ENGASE: variants seen among roughly 807,000 people sequenced by gnomAD.
ENGASE encodes cytosolic endo-beta-N-acetylglucosaminidase.
Under a neutral mutation model 78.5 loss-of-function variants are expected in ENGASE, and 69 were observed. The observed-to-expected ratio is 0.88, with a 90% CI of 0.72 to 1.07. The LOEUF (loss-of-function observed/expected upper bound fraction) is 1.07. Among genes scored for constraint, ENGASE ranks in the 50% least tolerant of loss-of-function variants. The pLI is 0.00. For missense variants in ENGASE, 943 were observed against 988.4 expected (o/e 0.95, Z 0.62); for synonymous variants, 408 against 408.9 (o/e 1.00, Z 0.03).
intron 1 of ENGASE, among the ~76,000 whole-genome samples, chr17:79,075,467 T>C (rs2072946371): frequency 6.6e-6 from 1 of 152,236 alleles, no homozygotes; most frequent in Non-Finnish European, 1.5e-5. Context: ...GGATGCCGGC[T>C]GGTGGAAGGG....
In ENGASE at chr17:79,083,850, C is replaced by G; in HGVS notation, c.1341C>G (p.Gly447=). 1.2e-6 allele frequency: 2 copies of G among 1,612,792 alleles called. No homozygotes were observed. Among genetic ancestry groups the G allele is most frequent in the South Asian group, 2.2e-5 (2 of 91,028 alleles). The change falls in exon 10 of 14, where the codon GGC becomes GGG. Residue 447 remains glycine, a synonymous_variant. Transcript: ENST00000579016. This position sits in a 1 kb window ranked among gnomAD's most constrained non-coding sequence, Gnocchi z 4.9. ...GEHRLGGDGR[G]WVRTHCCLED... The stretch of plus-strand genomic sequence containing the variant: ...ACAGGCTGGGAGGGGATGGCCGGGG[C>G]TGGGTGAGGACGCACTGCTGCCTGG...
At chr17:79,078,663 C>T (rs1318675522) in intron 3 of ENGASE, among the ~76,000 whole-genome samples, 5 of 152,192 alleles carry the variant, frequency 3.3e-5, no homozygotes, top group African/African-American at 1.2e-4. Flanking sequence ...GTCCGCGCGG[C>T]GCTTTTAAAT....
In ENGASE at chr17:79,086,878, C is replaced by A. The variant is rs1230301235; in HGVS notation, c.*529C>A. On this transcript the variant is annotated 3_prime_UTR_variant, in exon 14 of 14. Transcript: ENST00000579016. The stretch of plus-strand genomic sequence containing the variant: ...GGCGGGAGAGGATGCCCTGGAGAAC[C>A]GTCCTCCCAGTGTGGAAGGCCCTTT... 4.4e-6 allele frequency: 2 copies of A among 450,946 alleles called. No homozygotes were observed. Among genetic ancestry groups the A allele is most frequent in the Non-Finnish European group, 8.9e-6 (2 of 224,280 alleles). 27.9% of individuals were successfully genotyped at this position (450,946 alleles called of 1,614,324 possible). A position where few individuals can be genotyped will look rare whatever the true frequency, so the allele number is the denominator to read the frequency against.
intron 5 of ENGASE, 54 bp from the exon 6 acceptor site, chr17:79,080,871 A>G (rs2073113527): frequency 1.9e-6 from 3 of 1,568,120 alleles, no homozygotes; most frequent in East Asian, 2.3e-5. Flanking sequence ...GATACTTCTC[A>G]TGATAGATAG....
chr17:79,084,535 C>T lies in ENGASE; in HGVS notation c.1443-3C>T, dbSNP rs1276358438. The T allele has an allele frequency of 7.0e-6, 11 of 1,561,828 alleles. No individual in the cohort carries two copies. Among genetic ancestry groups the T allele is most frequent in the Non-Finnish European group, 9.5e-6 (11 of 1,159,688 alleles). On this transcript the variant is annotated splice_region_variant and splice_polypyrimidine_tract_variant and intron_variant, in intron 10 of 13. Coordinates refer to ENST00000579016, the MANE Select transcript of ENGASE (RefSeq NM_001042573.3). ...GCACCCATCACAGGACCTTTTTCCC[C>T]AGGTTATTTTCCCTGCAGGCCCCAG...
At chr17:79,075,632 G>A (rs1003986122) in intron 1 of ENGASE, 66 of 952,500 alleles carry the variant, frequency 6.9e-5, no homozygotes, top group Non-Finnish European at 8.0e-5. Flanking sequence ...TCTGGGCTGG[G>A]CTTCCTTCCT....
chr17:79,077,933 CGGG>C, intron 3 of ENGASE, 69 bp downstream of exon 3: 34 of 467,794 alleles, frequency 7.3e-5, no homozygotes, highest in Non-Finnish European at 1.3e-4. Flanking sequence ...GCTGGAGGGG[CGGG>C]AGAGAGTGCC....
intron 7 of ENGASE, 184 bp from the exon 8 acceptor site, chr17:79,082,836 C>T (rs745487515): frequency 6.5e-6 from 10 of 1,532,678 alleles, no homozygotes; most frequent in East Asian, 2.5e-5. Flanking sequence ...CCTCTTCTGG[C>T]GGGCTTGTGG....
Position 79,080,913 on chromosome 17 carries a change from C to G in ENGASE, c.724-12C>G, listed in dbSNP as rs1252769590. On this transcript the variant is annotated splice_polypyrimidine_tract_variant and intron_variant, in intron 5 of 13. Transcript: ENST00000579016. Reference sequence around the variant, plus strand: ...GGCTCACTGAGGCTCTCACCTTGTTCTTCTCTTTCAGCTGGCCGCTGTGGG... The same window carrying G: ...GGCTCACTGAGGCTCTCACCTTGTTGTTCTCTTTCAGCTGGCCGCTGTGGG... The G allele has an allele frequency of 4.4e-6, 7 of 1,606,842 alleles. No homozygotes were observed. The Admixed American group carries it at 1.2e-4, about 27-fold the overall frequency.
rs537901895 is a variant in ENGASE at position 79,087,143 on chromosome 17, C to T, written c.*794C>T. On this transcript the variant is annotated 3_prime_UTR_variant, in exon 14 of 14. Coordinates refer to ENST00000579016, the MANE Select transcript of ENGASE (RefSeq NM_001042573.3). ...GCCCTGCCTCTGCCCAGCGAGAGGC[C>T]GTGGGCTCTGGACAAGCCGCCCTTC... The T allele has an allele frequency of 6.8e-6, 3 of 438,486 alleles. No homozygotes were observed. The highest frequency in any genetic ancestry group is 4.8e-5 in the Admixed American group (2 of 41,688). The allele number at this position is 438,486 out of a possible 1,614,324, so 27.2% of individuals were successfully genotyped here. A position where few individuals can be genotyped will look rare whatever the true frequency, so the allele number is the denominator to read the frequency against.
In ENGASE at chr17:79,074,910, C is replaced by G. The variant is rs759195483; in HGVS notation, c.-35C>G. Reference sequence around the variant, plus strand: ...AGCGCGGCGCGGGGGCGGGCCCGGGCCTGCGATTGCCTCTCGGCGTGCGCG... The same window carrying G: ...AGCGCGGCGCGGGGGCGGGCCCGGGGCTGCGATTGCCTCTCGGCGTGCGCG... On this transcript the variant is annotated 5_prime_UTR_variant, in exon 1 of 14. Transcript: ENST00000579016. 4 of 1,254,470 alleles carry G rather than the reference C, an allele frequency of 3.2e-6. No homozygotes were observed. Among genetic ancestry groups the G allele is most frequent in the African/African-American group, 1.5e-5 (1 of 65,176 alleles). The allele number at this position is 1,254,470 out of a possible 1,614,324, so 77.7% of individuals were successfully genotyped here.
rs540871052 is a variant in ENGASE, at chr17:79,081,992, G to A, written c.967G>A (p.Ala323Thr). 6.2e-7 allele frequency: 1 copy of A among 1,614,230 alleles called. No individual in the cohort carries two copies. The highest frequency in any genetic ancestry group is 8.5e-7 in the Non-Finnish European group (1 of 1,180,034). Residue 323 changes from alanine (A) to threonine (T), a missense_variant, in exon 7 of 14, where the codon GCT (alanine) becomes ACT (threonine). Transcript: ENST00000579016. ...GCTGGGGCAGGCTGGGGAGCGCCGGGCTGATGTGTACGTGGGCGTGGATGT... is the reference window on the plus strand; with the variant it reads ...GCTGGGGCAGGCTGGGGAGCGCCGGACTGATGTGTACGTGGGCGTGGATGT... ...RMLGQAGERRADVYVGVDVFA... is the reference protein window; with the variant it reads ...RMLGQAGERRTDVYVGVDVFA...
chr17:79,075,629 T>A, intron 1 of ENGASE: 1 of 939,624 alleles, frequency 1.1e-6, no homozygotes, highest in Non-Finnish European at 1.3e-6. Context: ...CCCTCTGGGC[T>A]GGGCTTCCTT....
rs1157436887 is a variant in ENGASE, at chr17:79,087,561, TGTG to T, written c.*1215_*1217del. 1.3e-5 allele frequency: 2 copies of T among 156,902 alleles called. No individual in the cohort carries two copies. Among genetic ancestry groups the T allele is most frequent in the East Asian group, 3.7e-4 (2 of 5,374 alleles). The allele number at this position is 156,902 out of a possible 1,614,324, so 9.7% of individuals were successfully genotyped here. A position where few individuals can be genotyped will look rare whatever the true frequency, so the allele number is the denominator to read the frequency against. On this transcript the variant is annotated 3_prime_UTR_variant, in exon 14 of 14. Transcript: ENST00000579016. ...GTGGCTGGTCTGGGGTGGGGTCTGT[TGTG>T]GTCCTTCCACGGTGTCAGTGGCCTG...
chr17:79,075,217 C>T (rs2072939669), intron 1 of ENGASE, 127 bp downstream of exon 1: 41 of 1,070,088 alleles, frequency 3.8e-5, no homozygotes, highest in South Asian at 4.7e-5. Flanking sequence ...GCTCCGTGCA[C>T]AGTAAGGGAC....
Position 79,087,211 on chromosome 17 carries a change from C to T in ENGASE, c.*862C>T, listed in dbSNP as rs1004950862. 5.5e-6 allele frequency: 2 copies of T among 363,414 alleles called. No individual in the cohort carries two copies. Among genetic ancestry groups the T allele is most frequent in the Non-Finnish European group, 1.1e-5 (2 of 180,270 alleles). 22.5% of individuals were successfully genotyped at this position (363,414 alleles called of 1,614,324 possible). On this transcript the variant is annotated 3_prime_UTR_variant, in exon 14 of 14. Transcript: ENST00000579016. Reference sequence around the variant, plus strand: ...CAGTCCAGGCAGGAAGCAGCACCTGCCCCCCGCGCCAGCCCAGCCCCAGCC... The same window carrying T: ...CAGTCCAGGCAGGAAGCAGCACCTGTCCCCCGCGCCAGCCCAGCCCCAGCC...
chr17:79,077,897 C>T lies in ENGASE; in HGVS notation c.416+33C>T, dbSNP rs752216721. 28 of 1,058,196 alleles carry T rather than the reference C, an allele frequency of 2.6e-5. No individual in the cohort carries two copies. In the African/African-American group the frequency reaches 4.0e-4, roughly 15 times the overall value. 65.6% of individuals were successfully genotyped at this position (1,058,196 alleles called of 1,614,324 possible). Reference sequence around the variant, plus strand: ...CCTGGCCTTACATTGATGTTGCTTACATTGTTCTCCTTTGCTGGGGTGGGG... The same window carrying T: ...CCTGGCCTTACATTGATGTTGCTTATATTGTTCTCCTTTGCTGGGGTGGGG... On this transcript the variant is annotated intron_variant, in intron 3 of 13. Coordinates refer to ENST00000579016, the MANE Select transcript of ENGASE (RefSeq NM_001042573.3).
rs2073329271 is a variant in ENGASE at position 79,086,875 on chromosome 17, AACCGTCC to A, written c.*527_*533del. 1 of 450,176 alleles carries A rather than the reference AACCGTCC, an allele frequency of 2.2e-6. No homozygotes were observed. Among genetic ancestry groups the A allele is most frequent in the South Asian group, 1.6e-5 (1 of 64,330 alleles). 27.9% of individuals were successfully genotyped at this position (450,176 alleles called of 1,614,324 possible). A position where few individuals can be genotyped will look rare whatever the true frequency, so the allele number is the denominator to read the frequency against. On this transcript the variant is annotated 3_prime_UTR_variant, in exon 14 of 14. Coordinates refer to ENST00000579016, the MANE Select transcript of ENGASE (RefSeq NM_001042573.3). ...GATGGCGGGAGAGGATGCCCTGGAG[AACCGTCC>A]TCCCAGTGTGGAAGGCCCTTTTCCC...
In ENGASE at chr17:79,079,656, C is replaced by A. The variant is rs768648762; in HGVS notation, c.565+19C>A. The stretch of plus-strand genomic sequence containing the variant: ...GTGCTGGGTAAGAGCCAAGGACTCA[C>A]CTCTGTGTCAGCCAGACTCCTCAGC... On this transcript the variant is annotated intron_variant, in intron 4 of 13. Transcript: ENST00000579016. 1.4e-5 allele frequency: 23 copies of A among 1,608,192 alleles called. No individual in the cohort carries two copies. Among genetic ancestry groups the A allele is most frequent in the Non-Finnish European group, 1.9e-5 (22 of 1,177,968 alleles).
Sources: gnomAD v4.1 joint callset for allele counts (sites outside exome capture counted in the v4.1 genomes callset) on GRCh38, gnomAD v4.1.1 for gene constraint, Gnocchi (gnomAD v3.1) non-coding constraint, MANE v1.5 for transcripts, NCBI Gene and HGNC (gene_info 2026-07-23, HGNC 2026-07-21) for gene names.